The following HTT variants were observed in gnomAD, a reference collection of about 807,000 sequenced individuals.
HTT encodes the protein huntington disease protein.
In HTT, 104 loss-of-function variants were observed where a neutral mutation model predicts 362.3. That is an observed-to-expected ratio of 0.29 (90% CI 0.24 to 0.34). HTT has a LOEUF of 0.34. HTT is among the 10% of genes least tolerant of loss of function. The pLI is 1.00. For synonymous variants in HTT, 1,577 were observed against 1,548.7 expected, an observed-to-expected ratio of 1.02 and a Z score of -0.43; for missense variants, 3,301 against 3,928.6, an observed-to-expected ratio of 0.84 and a Z score of 4.27.
chr4:3,186,837 GCTT>G, intron 38 of HTT, 118 bp downstream of exon 38: 8 of 380,564 alleles, frequency 2.1e-5, no homozygotes, highest in East Asian at 6.0e-5. Flanking sequence ...TTGAGAGTTT[GCTT>G]TTTTTTTTTT....
At chr4:3,076,335 C>G (rs28564368) in intron 1 of HTT, among the ~76,000 whole-genome samples, 2 of 152,020 alleles carry the variant, frequency 1.3e-5, no homozygotes, top group African/African-American at 4.8e-5. Context: ...CTGGATGTGT[C>G]CCAGATGGCA....
Position 3,206,999 on chromosome 4 carries a change from A to G in HTT, c.6075+16A>G. On this transcript the variant is annotated intron_variant, in intron 44 of 66. Coordinates refer to ENST00000355072, the MANE Select transcript of HTT (RefSeq NM_001388492.1). This position sits in a 1 kb window ranked among gnomAD's most constrained non-coding sequence, Gnocchi z 4.6. ...AAATTTACAGGTATTGGGAAGAGAA[A>G]CCCTGATATTGATTTATATTGAAAA... 4 of 1,590,532 alleles carry G rather than the reference A, an allele frequency of 2.5e-6. No individual in the cohort carries two copies. The highest frequency in any genetic ancestry group is 3.4e-6 in the Non-Finnish European group (4 of 1,169,364).
chr4:3,198,215 A>ATTTTTT lies in HTT; in HGVS notation c.5369-1494_5369-1489dup, dbSNP rs200014691. On this transcript the variant is annotated intron_variant, in intron 40 of 66. Transcript: ENST00000355072. ...ACCCTTTCACTTTGGGGATGTGTTG[A>ATTTTTT]TTTTTTTTTTTTTTTTTTTTTTTTT... Among the ~76,000 whole-genome samples the ATTTTTT allele has an allele frequency of 2.2e-4, 13 of 60,378 alleles. 1 individual carries two copies. The highest frequency in any genetic ancestry group is 3.3e-4 in the African/African-American group (5 of 15,164). The allele number at this position is 60,378 out of a possible 152,430, so 39.6% of individuals were successfully genotyped here.
chr4:3,185,131 G>A (rs758570243), intron 37 of HTT, among the ~76,000 whole-genome samples: 6 of 152,182 alleles, frequency 3.9e-5, no homozygotes, highest in Non-Finnish European at 7.3e-5. Flanking sequence ...AAGAGGGAAC[G>A]GAGAAATAGG....
At chr4:3,139,037 G>A (rs73088169) in intron 21 of HTT, among the ~76,000 whole-genome samples, 2,296 of 152,236 alleles carry the variant, frequency 0.015, 51 homozygotes, top group African/African-American at 0.053. Flanking sequence ...GAAAACCAAA[G>A]TTACATTTTG....
At chr4:3,125,097 A>G (rs926224905) in intron 10 of HTT, among the ~76,000 whole-genome samples, 2 of 152,210 alleles carry the variant, frequency 1.3e-5, no homozygotes, top group African/African-American at 4.8e-5. Context: ...AGAAAATTAA[A>G]AGATAATAAA....
chr4:3,170,884 C>T (rs895570320), intron 29 of HTT, among the ~76,000 whole-genome samples: 2 of 152,174 alleles, frequency 1.3e-5, no homozygotes, highest in Non-Finnish European at 2.9e-5. Flanking sequence ...TCATTGTGCT[C>T]AGTAGTGGAA....
intron 33 of HTT, among the ~76,000 whole-genome samples, chr4:3,176,357 A>AG (rs1484739505): frequency 1.3e-5 from 2 of 152,196 alleles, no homozygotes; most frequent in African/African-American, 4.8e-5. Context: ...GGAGGCATCA[A>AG]GGGGTGGGCT....
intron 26 of HTT, 33 bp from the exon 27 acceptor site, chr4:3,154,260 T>G (rs1253398118): frequency 6.6e-7 from 1 of 1,507,508 alleles, no homozygotes; most frequent in Non-Finnish European, 8.9e-7. Context: ...TGTTTTTGTT[T>G]TTTTGTTTTT....
intron 2 of HTT, among the ~76,000 whole-genome samples, chr4:3,094,537 C>T (rs1308930327): frequency 1.4e-5 from 2 of 144,226 alleles, no homozygotes; most frequent in Non-Finnish European, 3.0e-5. Context: ...GGCGGCTGGG[C>T]GGGGGCTGCC....
intron 60 of HTT, among the ~76,000 whole-genome samples, chr4:3,230,648 G>A (rs887630513): frequency 5.9e-5 from 9 of 152,166 alleles, no homozygotes; most frequent in African/African-American, 2.2e-4. Context: ...CTGGGGGCTG[G>A]AAGTTTTCAT....
chr4:3,174,920 T>C (rs1553917113), intron 32 of HTT, 26 bp from the exon 33 acceptor site: 2 of 1,552,518 alleles, frequency 1.3e-6, no homozygotes, highest in Admixed American at 3.9e-5. Flanking sequence ...TTATGGATTC[T>C]TTCTTTCTTT....
intron 1 of HTT, among the ~76,000 whole-genome samples, chr4:3,082,817 A>T (rs910453649): frequency 4.6e-5 from 7 of 152,126 alleles, no homozygotes; most frequent in Non-Finnish European, 2.9e-5. Context: ...GTGATGAGTG[A>T]GCTGAGGTGA....
At chr4:3,186,838 CTTTTT>C (rs1160738052) in intron 38 of HTT, 119 bp downstream of exon 38, 2,496 of 248,628 alleles carry the variant, frequency 0.01, no homozygotes, top group South Asian at 0.015. Flanking sequence ...TGAGAGTTTG[CTTTTT>C]TTTTTTTTTT....
chr4:3,143,456 GA>G (rs1210663340), intron 23 of HTT, among the ~76,000 whole-genome samples: 6 of 131,512 alleles, frequency 4.6e-5, no homozygotes, highest in Non-Finnish European at 6.7e-5. Flanking sequence ...AAAAAAAAAA[GA>G]AAAGAAAAAA....
intron 2 of HTT, among the ~76,000 whole-genome samples, chr4:3,097,844 T>C (rs1713934146): frequency 6.6e-6 from 1 of 152,178 alleles, no homozygotes; most frequent in South Asian, 2.1e-4. Flanking sequence ...CTGGAAAACT[T>C]TTAAGTGTGG....
intron 40 of HTT, among the ~76,000 whole-genome samples, chr4:3,194,020 T>C (rs778752319): frequency 3.9e-5 from 6 of 152,258 alleles, no homozygotes; most frequent in Non-Finnish European, 7.3e-5. Flanking sequence ...GCAGAATTAC[T>C]GTATTTGATT....
intron 29 of HTT, among the ~76,000 whole-genome samples, chr4:3,171,191 A>G (rs1170501170): frequency 6.6e-6 from 1 of 152,216 alleles, no homozygotes; most frequent in Non-Finnish European, 1.5e-5. Flanking sequence ...AACCTTAAAC[A>G]CTTAGAATAT....
intron 1 of HTT, among the ~76,000 whole-genome samples, chr4:3,076,302 C>T (rs1414592591): frequency 3.9e-5 from 6 of 152,172 alleles, no homozygotes; most frequent in African/African-American, 1.4e-4. Flanking sequence ...CTTTCTCTTA[C>T]CTCTCAGTAT....
Sources: allele counts gnomAD v4.1 joint callset (sites outside exome capture counted in the v4.1 genomes callset), GRCh38; gene constraint gnomAD v4.1.1; non-coding constraint Gnocchi (gnomAD v3.1); transcripts MANE v1.5; gene names NCBI Gene and HGNC (gene_info 2026-07-23, HGNC 2026-07-21).